The following PLCH1 variants were observed in gnomAD, a reference collection of about 807,000 sequenced individuals.
PLCH1 encodes the protein phospholipase C eta 1.
In PLCH1, 60 loss-of-function variants were observed where a neutral mutation model predicts 126.7. The observed-to-expected ratio is 0.47, with a 90% CI of 0.38 to 0.59. The LOEUF (loss-of-function observed/expected upper bound fraction) is 0.59, where lower values mean the gene tolerates loss of function less well. Among genes scored for constraint, PLCH1 ranks in the 20% least tolerant of loss-of-function variants. PLCH1 has a pLI of 0.00. For synonymous variants in PLCH1, 719 were observed against 734.9 expected (o/e 0.98, Z 0.35); for missense variants, 1,723 against 2,040.0 (o/e 0.84, Z 2.99).
chr3:155,703,126 T>C (rs2109079803), intron 2 of PLCH1, among the ~76,000 whole-genome samples: 1 of 152,314 alleles, frequency 6.6e-6, no homozygotes. Flanking sequence ...GGGCTTTTAG[T>C]GAGGTTGTAT....
chr3:155,563,919 C>T (rs1410869257), intron 8 of PLCH1, among the ~76,000 whole-genome samples: 1 of 151,992 alleles, frequency 6.6e-6, no homozygotes, highest in East Asian at 1.9e-4. Context: ...GAAATTTTCA[C>T]ATTGTTTCTC....
intron 6 of PLCH1, among the ~76,000 whole-genome samples, chr3:155,579,008 G>C (rs530995011): frequency 6.6e-6 from 1 of 152,246 alleles, no homozygotes; most frequent in Non-Finnish European, 1.5e-5. Context: ...CCCATTTACT[G>C]CCATTAGATC....
chr3:155,697,248 T>C lies in PLCH1; in HGVS notation c.79+6898A>G, dbSNP rs147645243. On this transcript the variant is annotated intron_variant, in intron 2 of 22. Transcript: ENST00000460012. ...AAGCAAACAGAATAAAGAACACCAG[T>C]AGCTTTAGGGAAATTAAGTCGCCCT... 1.1e-3 allele frequency among the ~76,000 whole-genome samples: 174 copies of C among 152,296 alleles called. 4 individuals are homozygous for C. In the East Asian group the frequency reaches 0.025, roughly 22 times the overall value.
At chr3:155,550,284 T>C (rs1484762009) in intron 9 of PLCH1, among the ~76,000 whole-genome samples, 1 of 152,192 alleles carries the variant, frequency 6.6e-6, no homozygotes, top group Non-Finnish European at 1.5e-5. Flanking sequence ...ATGAGAAGTC[T>C]AAAGAAAGTA....
intron 2 of PLCH1, 35 bp from the exon 3 acceptor site, chr3:155,596,413 A>G (rs750121464): frequency 6.3e-7 from 1 of 1,589,960 alleles, no homozygotes; most frequent in African/African-American, 1.3e-5. Flanking sequence ...CAGCTATCAC[A>G]CAATGCACAG....
chr3:155,557,371 G>A (rs542469181), intron 8 of PLCH1, among the ~76,000 whole-genome samples: 206 of 152,240 alleles, frequency 1.4e-3, no homozygotes, highest in African/African-American at 4.9e-3. Flanking sequence ...ATGCAAAGGC[G>A]ACAAAGCAAT....
At chr3:155,689,042 C>G (rs1745174331) in intron 2 of PLCH1, among the ~76,000 whole-genome samples, 1 of 152,212 alleles carries the variant, frequency 6.6e-6, no homozygotes. Context: ...TCTCACCCAG[C>G]ACAGTCCCAG....
chr3:155,553,851 A>G (rs1726453712), intron 9 of PLCH1, among the ~76,000 whole-genome samples: 1 of 152,246 alleles, frequency 6.6e-6, no homozygotes, highest in Non-Finnish European at 1.5e-5. Context: ...AAGGAGGCAT[A>G]TTGAGAAAGA....
In PLCH1 at chr3:155,564,910, C is replaced by A. The variant is rs752666324; in HGVS notation, c.1069+5G>T. 6.2e-7 allele frequency: 1 copy of A among 1,607,344 alleles called. No individual in the cohort carries two copies. The highest frequency in any genetic ancestry group is 1.1e-5 in the South Asian group (1 of 90,888). On this transcript the variant is annotated splice_donor_5th_base_variant and intron_variant, in intron 8 of 22. Coordinates refer to ENST00000460012, the MANE Select transcript of PLCH1 (RefSeq NM_014996.4). The stretch of plus-strand genomic sequence containing the variant: ...CACACCGGAGCTCAGAAAAAGTGCA[C>A]GTACCTTCCACACAGCGACAGCCCT...
intron 12 of PLCH1, among the ~76,000 whole-genome samples, chr3:155,504,986 T>C (rs1718441190): frequency 6.6e-6 from 1 of 152,106 alleles, no homozygotes. Flanking sequence ...ATGTTCTGAG[T>C]GGGGTTAAGT....
At chr3:155,603,988 A>T (rs1385430184) in intron 2 of PLCH1, among the ~76,000 whole-genome samples, 1 of 152,092 alleles carries the variant, frequency 6.6e-6, no homozygotes, top group African/African-American at 2.4e-5. Context: ...AGTCCCAGCT[A>T]CTCAGGAGGC....
intron 2 of PLCH1, among the ~76,000 whole-genome samples, chr3:155,610,795 C>A (rs916145785): frequency 4.8e-4 from 70 of 144,382 alleles, no homozygotes; most frequent in Admixed American, 1.4e-4. Flanking sequence ...ACAAAAAAAA[C>A]AACACAATTA....
At chr3:155,693,821 T>C (rs1481843527) in intron 2 of PLCH1, among the ~76,000 whole-genome samples, 2 of 151,948 alleles carry the variant, frequency 1.3e-5, no homozygotes, top group Admixed American at 1.3e-4. Context: ...TCCCAGCTCC[T>C]TGAGAGGCTG....
At chr3:155,569,371 T>C (rs865876340) in intron 6 of PLCH1, among the ~76,000 whole-genome samples, 2 of 152,178 alleles carry the variant, frequency 1.3e-5, no homozygotes, top group African/African-American at 4.8e-5. Flanking sequence ...TAAAATCTAG[T>C]TTTTCTAAAC....
chr3:155,478,722 G>T (rs1462270122), downstream of PLCH1, among the ~76,000 whole-genome samples: 2 of 151,968 alleles, frequency 1.3e-5, no homozygotes, highest in East Asian at 3.9e-4. Context: ...ATTACTCTGA[G>T]CCTCAGTTTT....
chr3:155,533,374 C>T (rs367897763), intron 10 of PLCH1, among the ~76,000 whole-genome samples: 1 of 151,914 alleles, frequency 6.6e-6, no homozygotes, highest in African/African-American at 2.4e-5. Flanking sequence ...TGGTGAAACC[C>T]CGTTTCTACT....
chr3:155,676,054 T>G, intron 2 of PLCH1: 1 of 1,519,762 alleles, frequency 6.6e-7, no homozygotes, highest in Non-Finnish European at 8.8e-7. Context: ...TTTAATACTA[T>G]TACACATTAT....
chr3:155,476,271 T>C (rs1713542398), downstream of PLCH1, among the ~76,000 whole-genome samples: 2 of 151,900 alleles, frequency 1.3e-5, no homozygotes, highest in Non-Finnish European at 2.9e-5. Flanking sequence ...ATGATAAAAC[T>C]GAGGCTAGAA....
chr3:155,726,425 T>C (rs1024410233), intron 1 of PLCH1, among the ~76,000 whole-genome samples: 1 of 152,222 alleles, frequency 6.6e-6, no homozygotes, highest in Non-Finnish European at 1.5e-5. Flanking sequence ...GCTTCTATTG[T>C]TACATTGTCA....
Sources: allele counts gnomAD v4.1 joint callset (sites outside exome capture counted in the v4.1 genomes callset), GRCh38; gene constraint gnomAD v4.1.1; transcripts MANE v1.5; gene names NCBI Gene and HGNC (gene_info 2026-07-23, HGNC 2026-07-21).